SEPTIN7: variants seen among roughly 807,000 people sequenced by gnomAD.
SEPTIN7 encodes septin-7.
SEPTIN7 carries 10 observed loss-of-function variants against 63.3 expected under a neutral mutation model. The observed-to-expected ratio is 0.16, with a 90% CI of 0.10 to 0.27. SEPTIN7 has a LOEUF of 0.27. Among genes scored for constraint, SEPTIN7 ranks in the 10% least tolerant of loss-of-function variants. The pLI is 1.00. For missense variants in SEPTIN7, 310 were observed against 521.0 expected, an observed-to-expected ratio of 0.59 and a Z score of 3.94; for synonymous variants, 131 against 165.3, an observed-to-expected ratio of 0.79 and a Z score of 1.59.
chr7:35,889,016 G>C (rs779204301), intron 10 of SEPTIN7, among the ~76,000 whole-genome samples: 7 of 152,126 alleles, frequency 4.6e-5, no homozygotes, highest in Non-Finnish European at 7.3e-5. Flanking sequence ...GGATGCAAAA[G>C]GTAATGGCAT....
intron 11 of SEPTIN7, 54 bp downstream of exon 11, chr7:35,890,847 T>C (rs1036568345): frequency 4.6e-5 from 61 of 1,329,848 alleles, no homozygotes; most frequent in South Asian, 8.2e-5. Context: ...TCAATAATCA[T>C]ATTGTTTCAT....
intron 1 of SEPTIN7, among the ~76,000 whole-genome samples, chr7:35,808,496 A>G (rs567970074): frequency 6.6e-6 from 1 of 152,310 alleles, no homozygotes; most frequent in African/African-American, 2.4e-5. Flanking sequence ...CTCCAACAAA[A>G]TACCTGAGAC....
intron 3 of SEPTIN7, among the ~76,000 whole-genome samples, chr7:35,854,032 T>G (rs1285520977): frequency 1.3e-5 from 2 of 152,200 alleles, no homozygotes; most frequent in Non-Finnish European, 2.9e-5. Context: ...CTCCAAAGTT[T>G]GAAACTTTGA....
chr7:35,874,765 G>A (rs1033186320), intron 6 of SEPTIN7, among the ~76,000 whole-genome samples: 23 of 152,094 alleles, frequency 1.5e-4, no homozygotes, highest in African/African-American at 5.3e-4. Context: ...CTGCCAGATT[G>A]TAGTGGAGTA....
Position 35,890,742 on chromosome 7 carries a change from C to A in SEPTIN7, c.947C>A (p.Ala316Asp). Residue 316 changes from alanine to aspartate, a missense_variant, in exon 11 of 14, where the codon GCT (alanine) becomes GAT (aspartate). Ala to Asp is a moderately radical substitution (Grantham distance 126). Coordinates refer to ENST00000350320, the MANE Select transcript of SEPTIN7 (RefSeq NM_001788.6). ...AACTACAGAAGCAGAAAACTTGCAGCTGTGACTTATAATGGAGTTGATAAC... is the reference window on the plus strand; with the variant it reads ...AACTACAGAAGCAGAAAACTTGCAGATGTGACTTATAATGGAGTTGATAAC... ...YENYRSRKLA[A>D]VTYNGVDNNK... The A allele has an allele frequency of 1.3e-6, 2 of 1,598,706 alleles. No homozygotes were observed. The highest frequency in any genetic ancestry group is 2.3e-5 in the East Asian group (1 of 44,050).
At chr7:35,837,825 A>G (rs905695967) in intron 3 of SEPTIN7, among the ~76,000 whole-genome samples, 4 of 152,056 alleles carry the variant, frequency 2.6e-5, no homozygotes, top group Non-Finnish European at 5.9e-5. Flanking sequence ...TCCACCTCCC[A>G]GGTTCAGGCA....
chr7:35,807,727 A>T (rs901121879), intron 1 of SEPTIN7, among the ~76,000 whole-genome samples: 5 of 151,280 alleles, frequency 3.3e-5, no homozygotes, highest in Non-Finnish European at 7.4e-5. Context: ...CGAACTCTCG[A>T]CCTCAGGTGA....
At chr7:35,801,008 A>T, upstream of SEPTIN7, 1 of 442,186 alleles carries the variant, frequency 2.3e-6, no homozygotes, top group Non-Finnish European at 4.0e-6. Context: ...AGCCTCCGCT[A>T]GGCCCGGAAG....
At chr7:35,853,404 G>A (rs1336155326) in intron 3 of SEPTIN7, among the ~76,000 whole-genome samples, 3 of 152,160 alleles carry the variant, frequency 2.0e-5, no homozygotes, top group Admixed American at 2.0e-4. Flanking sequence ...AAACCTGCAC[G>A]ACAGAGTGAG....
chr7:35,875,776 T>C (rs1786438697), intron 6 of SEPTIN7, among the ~76,000 whole-genome samples: 1 of 151,918 alleles, frequency 6.6e-6, no homozygotes, highest in Non-Finnish European at 1.5e-5. Flanking sequence ...CTCTTATACA[T>C]ACATACATAC....
rs78910283 is a variant in SEPTIN7, at chr7:35,843,049, C to T, written c.169+10149C>T. On this transcript the variant is annotated intron_variant, in intron 3 of 13. Transcript: ENST00000350320. ...TTCATCTCTCCCATATTTGTATTGT[C>T]CTCTGATGGTGAAAATACCATTATC... Among the ~76,000 whole-genome samples, 124 of 152,240 alleles carry T rather than the reference C, an allele frequency of 8.1e-4. 3 individuals are homozygous for T. In the East Asian group the frequency reaches 0.017, roughly 21 times the overall value.
intron 3 of SEPTIN7, among the ~76,000 whole-genome samples, chr7:35,842,547 A>G (rs1325856313): frequency 1.3e-5 from 2 of 152,196 alleles, no homozygotes; most frequent in Non-Finnish European, 2.9e-5. Flanking sequence ...TTTCTGAAAT[A>G]TAATTGAGAT....
intron 7 of SEPTIN7, among the ~76,000 whole-genome samples, chr7:35,881,467 G>A (rs1020800592): frequency 3.4e-5 from 5 of 148,540 alleles, no homozygotes; most frequent in African/African-American, 9.9e-5. Context: ...CATTTTTCTC[G>A]TCATCATGTA....
intron 2 of SEPTIN7, chr7:35,832,520 A>G: frequency 9.8e-6 from 3 of 307,208 alleles, no homozygotes; most frequent in Non-Finnish European, 1.9e-5. Context: ...GTTACTAACT[A>G]CTGTCAATTG....
chr7:35,899,975 T>C (rs1438259431), intron 12 of SEPTIN7: 2 of 152,190 alleles, frequency 1.3e-5, no homozygotes, highest in Admixed American at 1.3e-4. Flanking sequence ...ATCCCTGTTT[T>C]ATGTGGCTTC....
At chr7:35,818,729 C>T (rs1298189964) in intron 1 of SEPTIN7, among the ~76,000 whole-genome samples, 1 of 151,808 alleles carries the variant, frequency 6.6e-6, no homozygotes, top group Non-Finnish European at 1.5e-5. Context: ...TTTGCATTTC[C>T]TCTAGGTTAT....
At chr7:35,807,493 T>C (rs1264537615) in intron 1 of SEPTIN7, among the ~76,000 whole-genome samples, 1 of 151,540 alleles carries the variant, frequency 6.6e-6, no homozygotes, top group African/African-American at 2.4e-5. Flanking sequence ...GCCTCCTGAA[T>C]AGCTGGGACT....
intron 3 of SEPTIN7, among the ~76,000 whole-genome samples, chr7:35,834,966 G>C (rs1455272396): frequency 6.6e-6 from 1 of 151,976 alleles, no homozygotes; most frequent in Non-Finnish European, 1.5e-5. Context: ...ATCTGTAACA[G>C]ATTTTTTTTT....
intron 3 of SEPTIN7, among the ~76,000 whole-genome samples, chr7:35,842,347 T>C (rs899401224): frequency 1.6e-5 from 2 of 125,894 alleles, no homozygotes; most frequent in African/African-American, 6.6e-5. Flanking sequence ...ACTTTGTTTT[T>C]GAAAAAAAAA....
Sources: allele counts gnomAD v4.1 joint callset (sites outside exome capture counted in the v4.1 genomes callset), GRCh38; gene constraint gnomAD v4.1.1; transcripts MANE v1.5; gene names NCBI Gene and HGNC (gene_info 2026-07-23, HGNC 2026-07-21).